Variants in GRID1 observed in about 807,000 individuals in gnomAD.
GRID1 encodes the protein glutamate receptor ionotropic, delta-1.
In GRID1, 28 loss-of-function variants were observed where a neutral mutation model predicts 98.0. That is an observed-to-expected ratio of 0.29 (90% CI 0.21 to 0.39). The LOEUF (loss-of-function observed/expected upper bound fraction) is 0.39, where lower values mean the gene tolerates loss of function less well. Ranked by LOEUF, GRID1 falls within the 10% of genes least tolerant of loss-of-function variation. The pLI, the probability that GRID1 is intolerant of heterozygous loss-of-function variation, is 1.00. For missense variants in GRID1, 1,111 were observed against 1,340.5 expected, an observed-to-expected ratio of 0.83 and a Z score of 2.67; for synonymous variants, 553 against 538.5, an observed-to-expected ratio of 1.03 and a Z score of -0.37.
chr10:85,709,371 A>C (rs1468763759), intron 12 of GRID1, among the ~76,000 whole-genome samples: 1 of 152,248 alleles, frequency 6.6e-6, no homozygotes, highest in Non-Finnish European at 1.5e-5. Context: ...AAATAAAAAT[A>C]TTTGATTCAG....
chr10:86,237,631 C>T (rs1270335785), intron 2 of GRID1, among the ~76,000 whole-genome samples: 5 of 150,404 alleles, frequency 3.3e-5, no homozygotes, highest in Non-Finnish European at 4.4e-5. Context: ...ACCCAGGAGG[C>T]GGAGCTTGCA....
chr10:86,138,691 G>A (rs548990439), intron 4 of GRID1, 128 bp downstream of exon 4: 30 of 685,208 alleles, frequency 4.4e-5, no homozygotes, highest in Non-Finnish European at 5.8e-5. Context: ...GCTGTGGGCC[G>A]AGCACCTACG....
intron 8 of GRID1, among the ~76,000 whole-genome samples, chr10:85,838,126 G>T (rs1842927393): frequency 1.3e-5 from 2 of 152,070 alleles, no homozygotes. Context: ...TGAATAAAAA[G>T]AAATGAACAA....
intron 3 of GRID1, among the ~76,000 whole-genome samples, chr10:86,187,008 G>C (rs539258870): frequency 3.0e-4 from 45 of 152,314 alleles, no homozygotes; most frequent in African/African-American, 1.1e-3. Context: ...TCAGTGCCTT[G>C]GTGGACATCC....
chr10:85,729,611 C>A lies in GRID1; in HGVS notation c.1237G>T (p.Ala413Ser). The A allele has an allele frequency of 6.2e-7, 1 of 1,606,746 alleles. No individual in the cohort carries two copies. The highest frequency in any genetic ancestry group is 2.2e-5 in the East Asian group (1 of 44,820). ...AAGCCCTTCTCTGAGTCCCATGTCG[C>A]CAACTGTGAAGGAAAAATAAAGATT... ...ETFGKDMRKL[A>S]TWDSEKGLNG... The change falls in exon 9 of 16, where the codon GCG becomes TCG. Residue 413 changes from alanine to serine, a missense_variant. Ala to Ser is a moderately conservative substitution (Grantham distance 99). Around this residue, in one of 3 missense-constraint regions of GRID1, gnomAD observed 762 missense variants for 869.1 expected, o/e 0.88. Coordinates refer to ENST00000327946, the MANE Select transcript of GRID1 (RefSeq NM_017551.3).
At chr10:85,799,382 T>C (rs1395558748) in intron 8 of GRID1, among the ~76,000 whole-genome samples, 1 of 152,130 alleles carries the variant, frequency 6.6e-6, no homozygotes, top group Non-Finnish European at 1.5e-5. Context: ...TGAAAAATGA[T>C]TATGTTGAAG....
chr10:85,939,175 A>T (rs1290513782), intron 4 of GRID1, among the ~76,000 whole-genome samples: 1 of 152,122 alleles, frequency 6.6e-6, no homozygotes, highest in African/African-American at 2.4e-5. Context: ...TGATTCCTCC[A>T]ACCTGAGTTC....
At chr10:85,717,686 C>T (rs1251258210) in intron 12 of GRID1, among the ~76,000 whole-genome samples, 2 of 152,140 alleles carry the variant, frequency 1.3e-5, no homozygotes, top group Non-Finnish European at 2.9e-5. Context: ...CCCAACAATC[C>T]TCCAAAGTCT....
chr10:85,707,213 T>A (rs1294396634), intron 12 of GRID1, among the ~76,000 whole-genome samples: 2 of 152,010 alleles, frequency 1.3e-5, no homozygotes, highest in Non-Finnish European at 2.9e-5. Context: ...AATCTACTCA[T>A]CTGACAAAGG....
At chr10:86,045,878 G>C (rs1843416347) in intron 4 of GRID1, among the ~76,000 whole-genome samples, 1 of 152,200 alleles carries the variant, frequency 6.6e-6, no homozygotes, top group Non-Finnish European at 1.5e-5. Context: ...CCGTAGTTTA[G>C]AGAGAAAGGA....
chr10:86,325,661 A>G (rs1477379977), intron 2 of GRID1, among the ~76,000 whole-genome samples: 1 of 152,274 alleles, frequency 6.6e-6, no homozygotes, highest in East Asian at 1.9e-4. Context: ...TTAAAAGAAC[A>G]TAACAAGAGA....
chr10:86,168,647 C>T (rs1157406259), intron 3 of GRID1, among the ~76,000 whole-genome samples: 3 of 152,202 alleles, frequency 2.0e-5, no homozygotes, highest in Non-Finnish European at 4.4e-5. Flanking sequence ...GGAGCCTCAG[C>T]AAGCCCAGGG....
intron 4 of GRID1, among the ~76,000 whole-genome samples, chr10:85,935,954 C>G (rs1174781017): frequency 6.6e-6 from 1 of 152,132 alleles, no homozygotes. Flanking sequence ...TTATGAGGAC[C>G]TACTATGTGC....
intron 4 of GRID1, among the ~76,000 whole-genome samples, chr10:85,976,343 C>G (rs906561621): frequency 5.9e-5 from 9 of 152,214 alleles, no homozygotes; most frequent in African/African-American, 1.7e-4. Context: ...ATCCCAATTA[C>G]TAGCATGACC....
intron 2 of GRID1, among the ~76,000 whole-genome samples, chr10:86,332,319 TTCCTGAAGGAG>T (rs1383050017): frequency 1.3e-5 from 2 of 152,228 alleles, no homozygotes; most frequent in East Asian, 3.9e-4. Flanking sequence ...AGAGGATGCA[TTCCTGAAGGAG>T]AATTCTAGAC....
chr10:86,067,106 G>A (rs1843730049), intron 4 of GRID1, among the ~76,000 whole-genome samples: 1 of 152,140 alleles, frequency 6.6e-6, no homozygotes, highest in Non-Finnish European at 1.5e-5. Context: ...GGATGCCTTC[G>A]CCATCTAATG....
At chr10:86,105,969 TTGTGAGAGAAGA>T (rs1844379607) in intron 4 of GRID1, among the ~76,000 whole-genome samples, 1 of 151,802 alleles carries the variant, frequency 6.6e-6, no homozygotes, top group Non-Finnish European at 1.5e-5. Context: ...AGAGGAAGCC[TTGTGAGAGAAGA>T]TGTTGGAAAG....
At chr10:86,317,451 G>C (rs1393122281) in intron 2 of GRID1, among the ~76,000 whole-genome samples, 1 of 152,250 alleles carries the variant, frequency 6.6e-6, no homozygotes, top group Non-Finnish European at 1.5e-5. Flanking sequence ...AAATAGCTTT[G>C]ATGGTGTTTT....
At position 86,076,590 on chromosome 10, in the gene GRID1, C is replaced by T. The variant is rs189715133; in HGVS notation, c.726+62229G>A. ...CAGTCTGTGAGGGGGGCTGTCAGAC[C>T]GGAGACCCATAGATGACCTCATGTT... On this transcript the variant is annotated intron_variant, in intron 4 of 15. Coordinates refer to ENST00000327946, the MANE Select transcript of GRID1 (RefSeq NM_017551.3). Among the ~76,000 whole-genome samples, 503 of 152,234 alleles carry T rather than the reference C, an allele frequency of 3.3e-3. 1 individual carries two copies. Among genetic ancestry groups the T allele is most frequent in the South Asian group, 0.017 (84 of 4,820 alleles).
Sources: gnomAD v4.1 joint callset for allele counts (sites outside exome capture counted in the v4.1 genomes callset) on GRCh38, gnomAD v4.1.1 for gene constraint, gnomAD v4.1.1 regional missense constraint, MANE v1.5 for transcripts, NCBI Gene and HGNC (gene_info 2026-07-23, HGNC 2026-07-21) for gene names.